The following SLC39A8 variants were observed in gnomAD, a reference collection of about 807,000 sequenced individuals.
SLC39A8 encodes the protein solute carrier family 39 member 8, also known as metal cation symporter ZIP8.
Under a neutral mutation model 40.4 loss-of-function variants are expected in SLC39A8, and 15 were observed. That is an observed-to-expected ratio of 0.37 (90% CI 0.25 to 0.57). The LOEUF (loss-of-function observed/expected upper bound fraction) is 0.57, where lower values mean the gene tolerates loss of function less well. SLC39A8 is among the 20% of genes least tolerant of loss of function. The pLI is 0.75. For synonymous variants in SLC39A8, 223 were observed against 221.6 expected, an observed-to-expected ratio of 1.01 and a Z score of -0.06; for missense variants, 472 against 558.8, an observed-to-expected ratio of 0.84 and a Z score of 1.57.
intron 3 of SLC39A8, among the ~76,000 whole-genome samples, chr4:102,308,669 G>A (rs1345584147): frequency 1.3e-5 from 2 of 152,102 alleles, no homozygotes; most frequent in East Asian, 3.9e-4. Context: ...TGACAGAGGA[G>A]AAAGCTGCCT....
chr4:102,261,642 T>C (rs1228828033), downstream of SLC39A8: 1 of 931,118 alleles, frequency 1.1e-6, no homozygotes, highest in Non-Finnish European at 1.3e-6. Context: ...AGGACAAATA[T>C]TAAATAACAA....
intron 8 of SLC39A8, among the ~76,000 whole-genome samples, chr4:102,265,319 CA>C (rs904370330): frequency 3.9e-4 from 36 of 92,262 alleles, no homozygotes; most frequent in African/African-American, 1.3e-3. Context: ...GATGGCTGAT[CA>C]GGGGTGCAGG....
chr4:102,261,923 C>G lies in SLC39A8; in HGVS notation c.*1121G>C, dbSNP rs1277582938. 1 of 985,586 alleles carries G rather than the reference C, an allele frequency of 1.0e-6. No homozygotes were observed. The highest frequency in any genetic ancestry group is 1.1e-4 in the East Asian group (1 of 8,960). The allele number at this position is 985,586 out of a possible 1,614,324, so 61.1% of individuals were successfully genotyped here. On this transcript the variant is annotated 3_prime_UTR_variant, in exon 9 of 9. Transcript: ENST00000356736. Reference sequence around the variant, plus strand: ...ATGTTCAATTTTAGACCAATTTTCTCTATCTTCTAAATGAGTAAACAGGCT... The same window carrying G: ...ATGTTCAATTTTAGACCAATTTTCTGTATCTTCTAAATGAGTAAACAGGCT...
At chr4:102,278,434 A>G (rs1732719471) in intron 6 of SLC39A8, among the ~76,000 whole-genome samples, 1 of 152,230 alleles carries the variant, frequency 6.6e-6, no homozygotes, top group African/African-American at 2.4e-5. Flanking sequence ...CAAAACCACA[A>G]TAAGATACCA....
At chr4:102,301,905 A>T (rs1733942056) in intron 6 of SLC39A8, among the ~76,000 whole-genome samples, 1 of 152,068 alleles carries the variant, frequency 6.6e-6, no homozygotes, top group Admixed American at 6.6e-5. Flanking sequence ...TTCTAAATAT[A>T]AATATGCCTA....
At chr4:102,313,521 T>G (rs2149039271) in intron 3 of SLC39A8, among the ~76,000 whole-genome samples, 1 of 152,222 alleles carries the variant, frequency 6.6e-6, no homozygotes, top group East Asian at 1.9e-4. Context: ...AAGTCTTCCC[T>G]TTTCTTCTCT....
intron 2 of SLC39A8, among the ~76,000 whole-genome samples, chr4:102,329,742 A>G (rs1291920257): frequency 6.6e-6 from 1 of 152,064 alleles, no homozygotes; most frequent in Non-Finnish European, 1.5e-5. Flanking sequence ...TCTCAGCACC[A>G]CATCGCACTT....
At chr4:102,326,726 A>G (rs555617048) in intron 2 of SLC39A8, among the ~76,000 whole-genome samples, 2 of 152,292 alleles carry the variant, frequency 1.3e-5, no homozygotes, top group East Asian at 3.9e-4. Context: ...TTAAGAGTAC[A>G]AGGGGGTCCT....
intron 2 of SLC39A8, among the ~76,000 whole-genome samples, chr4:102,328,568 G>T (rs924587395): frequency 6.6e-6 from 1 of 152,140 alleles, no homozygotes; most frequent in African/African-American, 2.4e-5. Context: ...TAAAAAGGTT[G>T]AAGTTATTTA....
At chr4:102,275,241 A>T (rs1732562440) in intron 6 of SLC39A8, among the ~76,000 whole-genome samples, 1 of 152,108 alleles carries the variant, frequency 6.6e-6, no homozygotes, top group Non-Finnish European at 1.5e-5. Context: ...GGCTCAAAAT[A>T]AAGGGATGGA....
chr4:102,258,684 A>G (rs1317822936), downstream of SLC39A8, among the ~76,000 whole-genome samples: 1 of 152,238 alleles, frequency 6.6e-6, no homozygotes, highest in East Asian at 1.9e-4. Context: ...CATACTTGAC[A>G]GATACTGTCA....
At chr4:102,304,900 T>C in intron 5 of SLC39A8, 89 bp downstream of exon 5, 1 of 1,193,038 alleles carries the variant, frequency 8.4e-7, no homozygotes, top group Non-Finnish European at 1.2e-6. Flanking sequence ...ATTCTCATAA[T>C]TCTAAAAATA....
intron 6 of SLC39A8, among the ~76,000 whole-genome samples, chr4:102,270,075 G>A (rs114195131): frequency 0.012 from 1,799 of 152,264 alleles, 33 homozygotes; most frequent in African/African-American, 0.04. Flanking sequence ...ACTTAATGCC[G>A]TGATATACTT....
intron 2 of SLC39A8, among the ~76,000 whole-genome samples, chr4:102,338,559 A>AG (rs1216774245): frequency 6.6e-6 from 1 of 152,216 alleles, no homozygotes; most frequent in African/African-American, 2.4e-5. Flanking sequence ...CCACAGCTCT[A>AG]GTACCATTTC....
chr4:102,270,676 C>A (rs1251813877), intron 6 of SLC39A8, among the ~76,000 whole-genome samples: 1 of 152,158 alleles, frequency 6.6e-6, no homozygotes, highest in African/African-American at 2.4e-5. Flanking sequence ...GAATCTAAAA[C>A]TGAGTTCAAG....
intron 6 of SLC39A8, among the ~76,000 whole-genome samples, chr4:102,303,141 C>T (rs963978465): frequency 1.1e-4 from 17 of 151,492 alleles, no homozygotes; most frequent in African/African-American, 4.1e-4. Flanking sequence ...TTTAGCTGTT[C>T]ACTTTTATAT....
At chr4:102,318,052 T>C (rs1734740181) in intron 2 of SLC39A8, among the ~76,000 whole-genome samples, 1 of 152,180 alleles carries the variant, frequency 6.6e-6, no homozygotes, top group Non-Finnish European at 1.5e-5. Context: ...TACTGGATCA[T>C]GATGTAAAAT....
At chr4:102,274,178 AAT>A (rs1442013032) in intron 6 of SLC39A8, among the ~76,000 whole-genome samples, 3 of 152,342 alleles carry the variant, frequency 2.0e-5, no homozygotes, top group Admixed American at 6.5e-5. Context: ...GTTCTAACTC[AAT>A]GTAAGGAACC....
intron 2 of SLC39A8, among the ~76,000 whole-genome samples, chr4:102,330,446 C>T (rs541871086): frequency 6.6e-6 from 1 of 152,292 alleles, no homozygotes; most frequent in East Asian, 1.9e-4. Context: ...TTCCTGGACA[C>T]ATACACCCTC....
Sources: gnomAD v4.1 joint callset for allele counts (sites outside exome capture counted in the v4.1 genomes callset) on GRCh38, gnomAD v4.1.1 for gene constraint, MANE v1.5 for transcripts, NCBI Gene and HGNC (gene_info 2026-07-23, HGNC 2026-07-21) for gene names.